The following ZNF536 variants were observed in gnomAD, a reference collection of about 807,000 sequenced individuals.
ZNF536 encodes the protein zinc finger protein 536.
Under a neutral mutation model 84.5 loss-of-function variants are expected in ZNF536, and 13 were observed. The ratio of observed to expected loss-of-function variants is 0.15; its 90% CI spans 0.10 to 0.24. The LOEUF (loss-of-function observed/expected upper bound fraction) is 0.24. Ranked by LOEUF, ZNF536 falls within the 10% of genes least tolerant of loss-of-function variation. The pLI is 1.00. For missense variants in ZNF536, 1,536 were observed against 1,747.5 expected (o/e 0.88, Z 2.16); for synonymous variants, 811 against 742.5 (o/e 1.09, Z -1.50).
chr19:30,635,975 C>T (rs1471387561), intron 1 of ZNF536, among the ~76,000 whole-genome samples: 12 of 152,314 alleles, frequency 7.9e-5, no homozygotes, highest in Admixed American at 5.2e-4. Flanking sequence ...ATGAGTGGGC[C>T]GCCGGAGAGC....
At chr19:30,249,354 G>A (rs1353958446) in intron 1 of ZNF536, among the ~76,000 whole-genome samples, 1 of 150,858 alleles carries the variant, frequency 6.6e-6, no homozygotes, top group Admixed American at 6.6e-5. Context: ...AGGAGAAGGA[G>A]GAGGGGGAGG....
rs543364694 is a variant in ZNF536 at position 30,686,334 on chromosome 19, G to GA, written c.170-24415dup. On this transcript the variant is annotated intron_variant, in intron 1 of 1. Transcript: ENST00000592773. The stretch of plus-strand genomic sequence containing the variant: ...TTTTTTCCTGAAGGTGGCAGTGAAA[G>GA]AAAAAAAATGACTCCCTTAGAAGAG... 2.3e-4 allele frequency among the ~76,000 whole-genome samples: 35 copies of GA among 151,240 alleles called. No homozygotes were observed. In the East Asian group the frequency reaches 6.0e-3, roughly 26 times the overall value.
At chr19:30,242,387 G>A (rs1272059013) in intron 1 of ZNF536, among the ~76,000 whole-genome samples, 2 of 152,228 alleles carry the variant, frequency 1.3e-5, no homozygotes, top group African/African-American at 2.4e-5. Flanking sequence ...GGGGGTATCC[G>A]TTCACAGTTA....
chr19:30,272,040 C>T (rs1396290536), intron 1 of ZNF536, among the ~76,000 whole-genome samples: 1 of 152,198 alleles, frequency 6.6e-6, no homozygotes, highest in Non-Finnish European at 1.5e-5. Flanking sequence ...TGGACATCAG[C>T]TCATCGGAGA....
At chr19:30,623,458 T>C (rs2048563859) in intron 1 of ZNF536, among the ~76,000 whole-genome samples, 2 of 152,240 alleles carry the variant, frequency 1.3e-5, no homozygotes, top group South Asian at 4.1e-4. Context: ...CTTGCCACTA[T>C]GCCCTGGCTT....
chr19:30,385,958 G>A (rs2049324460), intron 1 of ZNF536, among the ~76,000 whole-genome samples: 1 of 152,156 alleles, frequency 6.6e-6, no homozygotes, highest in South Asian at 2.1e-4. Flanking sequence ...CTGGCAGATG[G>A]ACATCAGGGA....
At chr19:30,669,022 A>T (rs898684675) in intron 1 of ZNF536, among the ~76,000 whole-genome samples, 3 of 152,296 alleles carry the variant, frequency 2.0e-5, no homozygotes, top group African/African-American at 7.2e-5. Flanking sequence ...ACCCCCTCAC[A>T]CGCCTGGGTG....
intron 1 of ZNF536, among the ~76,000 whole-genome samples, chr19:30,587,187 T>C (rs61052077): frequency 0.064 from 9,716 of 152,216 alleles, 687 homozygotes; most frequent in Admixed American, 0.21. Context: ...ATTGCAAAGA[T>C]TTTTCTTTTT....
At chr19:30,388,332 C>A (rs1435913748) in intron 1 of ZNF536, among the ~76,000 whole-genome samples, 3 of 152,300 alleles carry the variant, frequency 2.0e-5, no homozygotes, top group African/African-American at 4.8e-5. Flanking sequence ...CAAGTTAGAT[C>A]TTTCTACAAT....
intron 1 of ZNF536, among the ~76,000 whole-genome samples, chr19:30,241,884 T>C (rs1332126185): frequency 2.0e-5 from 3 of 152,172 alleles, no homozygotes; most frequent in African/African-American, 7.2e-5. Context: ...AGTGGTGTCC[T>C]CTGGGAGGAC....
chr19:30,562,916 A>G (rs2046224099), downstream of ZNF536, among the ~76,000 whole-genome samples: 1 of 152,206 alleles, frequency 6.6e-6, no homozygotes, highest in African/African-American at 2.4e-5. Flanking sequence ...CTCTGTCTCT[A>G]CATGGGAAAG....
intron 1 of ZNF536, among the ~76,000 whole-genome samples, chr19:30,610,009 T>G (rs1423346761): frequency 6.6e-6 from 1 of 152,090 alleles, no homozygotes; most frequent in Non-Finnish European, 1.5e-5. Flanking sequence ...TATCCATTCA[T>G]CCATCCATCC....
At chr19:30,577,400 C>T (rs2046778090) in intron 1 of ZNF536, among the ~76,000 whole-genome samples, 1 of 152,068 alleles carries the variant, frequency 6.6e-6, no homozygotes, top group African/African-American at 2.4e-5. Flanking sequence ...GCAGAGAAGT[C>T]AGTTCATTAG....
intron 2 of ZNF536, among the ~76,000 whole-genome samples, chr19:30,496,190 G>A (rs1342516952): frequency 1.3e-5 from 2 of 152,152 alleles, no homozygotes; most frequent in East Asian, 1.9e-4. Context: ...CCTGTACCAT[G>A]CAATGATCCT....
chr19:30,346,205 CTA>C (rs1251801488), intron 2 of ZNF536, among the ~76,000 whole-genome samples: 2 of 152,172 alleles, frequency 1.3e-5, no homozygotes, highest in Non-Finnish European at 2.9e-5. Flanking sequence ...TTCTCCGCAG[CTA>C]TGGGCAAAGC....
chr19:30,397,776 G>A (rs1234640495), intron 1 of ZNF536, among the ~76,000 whole-genome samples: 1 of 152,086 alleles, frequency 6.6e-6, no homozygotes, highest in East Asian at 1.9e-4. Flanking sequence ...TTGGACAAGG[G>A]GGTCTGAAAA....
At chr19:30,594,157 C>G (rs934070967) in intron 1 of ZNF536, among the ~76,000 whole-genome samples, 1 of 152,218 alleles carries the variant, frequency 6.6e-6, no homozygotes, top group Admixed American at 6.5e-5. Flanking sequence ...GGCGTTCAAT[C>G]CTGGAGTGCG....
At chr19:30,324,580 C>T (rs556759961) in intron 2 of ZNF536, among the ~76,000 whole-genome samples, 16 of 152,220 alleles carry the variant, frequency 1.1e-4, no homozygotes, top group East Asian at 1.9e-4. Context: ...TTTGTAGAGA[C>T]GGGGTCTCAC....
chr19:30,441,854 T>C (rs1011576624), intron 1 of ZNF536, among the ~76,000 whole-genome samples: 9 of 152,174 alleles, frequency 5.9e-5, no homozygotes, highest in African/African-American at 1.7e-4. Flanking sequence ...CCTTGCAAGA[T>C]AGACTCCTCC....
Sources: gnomAD v4.1 joint callset for allele counts (sites outside exome capture counted in the v4.1 genomes callset) on GRCh38, gnomAD v4.1.1 for gene constraint, MANE v1.5 for transcripts, NCBI Gene and HGNC (gene_info 2026-07-23, HGNC 2026-07-21) for gene names.